Variants in PHYHIPL observed in about 807,000 individuals in gnomAD.
PHYHIPL encodes the protein phytanoyl-CoA 2-hydroxylase interacting protein like, also known as phytanoyl-CoA hydroxylase-interacting protein-like.
PHYHIPL carries 9 observed loss-of-function variants against 33.4 expected under a neutral mutation model. The ratio of observed to expected loss-of-function variants is 0.27; its 90% CI spans 0.16 to 0.47. The LOEUF (loss-of-function observed/expected upper bound fraction) is 0.47. Among genes scored for constraint, PHYHIPL ranks in the 20% least tolerant of loss-of-function variants. PHYHIPL has a pLI of 0.99. For synonymous variants in PHYHIPL, 153 were observed against 154.1 expected (o/e 0.99, Z 0.05); for missense variants, 365 against 460.7 (o/e 0.79, Z 1.90).
chr10:59,180,100 AAG>A (rs1193139661), intron 1 of PHYHIPL, among the ~76,000 whole-genome samples: 2 of 151,666 alleles, frequency 1.3e-5, no homozygotes, highest in African/African-American at 4.8e-5. Context: ...AATAAAATGA[AAG>A]AGAAAATTTC....
chr10:59,187,148 A>C (rs1838631243), intron 1 of PHYHIPL, among the ~76,000 whole-genome samples: 1 of 152,124 alleles, frequency 6.6e-6, no homozygotes, highest in Admixed American at 6.6e-5. Context: ...TTCAATACCT[A>C]ATTTATTGAG....
intron 1 of PHYHIPL, among the ~76,000 whole-genome samples, chr10:59,184,387 C>T (rs1838505393): frequency 6.6e-6 from 1 of 152,156 alleles, no homozygotes; most frequent in Admixed American, 6.5e-5. Context: ...AAGATTGAGA[C>T]ATGAGTTAAT....
intron 1 of PHYHIPL, among the ~76,000 whole-genome samples, chr10:59,194,080 GTTTTTTTTT>G (rs778292956): frequency 9.0e-6 from 1 of 111,486 alleles, no homozygotes; most frequent in Non-Finnish European, 1.8e-5. Flanking sequence ...TTACCTATAT[GTTTTTTTTT>G]TTTTTTTTTT....
At chr10:59,185,144 C>T (rs1244006186) in intron 1 of PHYHIPL, among the ~76,000 whole-genome samples, 2 of 151,574 alleles carry the variant, frequency 1.3e-5, no homozygotes, top group Non-Finnish European at 2.9e-5. Flanking sequence ...GCGCCCGCCA[C>T]TACGCCCGGC....
intron 1 of PHYHIPL, among the ~76,000 whole-genome samples, chr10:59,179,651 CTT>C (rs772736421): frequency 8.5e-5 from 13 of 152,052 alleles, no homozygotes; most frequent in Non-Finnish European, 1.5e-4. Flanking sequence ...GTATATCTCT[CTT>C]ATGTTTCATT....
chr10:59,232,052 C>T (rs1452289072), intron 1 of PHYHIPL, among the ~76,000 whole-genome samples: 1 of 151,836 alleles, frequency 6.6e-6, no homozygotes, highest in African/African-American at 2.4e-5. Flanking sequence ...CTAAGATATG[C>T]CTAAAGTACT....
intron 1 of PHYHIPL, among the ~76,000 whole-genome samples, chr10:59,184,569 G>A (rs10047354): frequency 0.25 from 37,375 of 151,954 alleles, 6,556 homozygotes; most frequent in African/African-American, 0.49. Context: ...GAGTCAGTCA[G>A]AGATGGGTGG....
intron 1 of PHYHIPL, 96 bp from the exon 2 acceptor site, chr10:59,234,208 A>G: frequency 1.0e-6 from 1 of 993,236 alleles, no homozygotes. Flanking sequence ...GGAGTAAGTC[A>G]TCTCTACTTT....
chr10:59,224,480 C>CAAAAA (rs1169938645), intron 1 of PHYHIPL, among the ~76,000 whole-genome samples: 2 of 150,358 alleles, frequency 1.3e-5, no homozygotes, highest in Non-Finnish European at 3.0e-5. Flanking sequence ...CAAAACAAAA[C>CAAAAA]AAAACAAAAC....
intron 1 of PHYHIPL, among the ~76,000 whole-genome samples, chr10:59,207,881 ACT>A (rs1454051522): frequency 7.0e-6 from 1 of 142,198 alleles, no homozygotes; most frequent in Non-Finnish European, 1.5e-5. Context: ...AGAGAGCAAG[ACT>A]CTGTCTCAAA....
chr10:59,243,098 A>G (rs1199513492), intron 4 of PHYHIPL, among the ~76,000 whole-genome samples: 6 of 151,560 alleles, frequency 4.0e-5, no homozygotes, highest in Non-Finnish European at 8.8e-5. Context: ...ATGCCAAGAT[A>G]TATTACAAAC....
intron 1 of PHYHIPL, among the ~76,000 whole-genome samples, chr10:59,211,218 A>T (rs1380899057): frequency 6.6e-6 from 1 of 151,894 alleles, no homozygotes; most frequent in East Asian, 1.9e-4. Context: ...TAAAAAAAAA[A>T]TTATTTTGAA....
intron 1 of PHYHIPL, among the ~76,000 whole-genome samples, chr10:59,226,096 A>G (rs1201104328): frequency 6.6e-6 from 1 of 152,114 alleles, no homozygotes; most frequent in Non-Finnish European, 1.5e-5. Flanking sequence ...ACAAAGATGA[A>G]AGATTAGTTA....
At position 59,247,723 on chromosome 10, in the gene PHYHIPL, T is replaced by C. The variant is rs1840843266; in HGVS notation, c.*2132T>C. On this transcript the variant is annotated 3_prime_UTR_variant, in exon 5 of 5. Transcript: ENST00000373880. ...CTCATCTGCCATTGGTATCCTATCTTCCTTTTGTGGACTTCTGCAAAACAA... is the reference window on the plus strand; with the variant it reads ...CTCATCTGCCATTGGTATCCTATCTCCCTTTTGTGGACTTCTGCAAAACAA... The C allele has an allele frequency of 3.1e-6, 5 of 1,611,738 alleles. No homozygotes were observed. Among genetic ancestry groups the C allele is most frequent in the Non-Finnish European group, 4.2e-6 (5 of 1,178,990 alleles).
In PHYHIPL at chr10:59,238,699, A is replaced by T; in HGVS notation, c.590A>T (p.Tyr197Phe). The T allele has an allele frequency of 6.4e-7, 1 of 1,561,048 alleles. No homozygotes were observed. Among genetic ancestry groups the T allele is most frequent in the Non-Finnish European group, 8.8e-7 (1 of 1,132,926 alleles). ...YRNQHKEYFD[Y>F]VREHHGNAMQ... ...AATCAGCACAAAGAATATTTTGACT[A>T]TGTTCGGTAAGATTCAAAAATATAT... The change falls in exon 4 of 5, where the codon TAT (tyrosine) becomes TTT (phenylalanine). Residue 197 changes from tyrosine (Y) to phenylalanine (F), a missense_variant. Around this residue, in one of 4 missense-constraint regions of PHYHIPL, gnomAD observed 196 missense variants for 224.9 expected, o/e 0.87. Coordinates refer to ENST00000373880, the MANE Select transcript of PHYHIPL (RefSeq NM_032439.4).
rs768353582 is a variant in PHYHIPL, at chr10:59,176,864, C to G, written c.11C>G (p.Pro4Arg). MEV[P>R]RLDHALNSPT... ...GAGTGGGTTGGAAAAATGGAGGTGC[C>G]GCGCCTGGATCATGCCCTCAACAGC... The change falls in exon 1 of 5, where the codon CCG becomes CGG. Residue 4 changes from proline (P) to arginine (R), a missense_variant. Around this residue, in one of 4 missense-constraint regions of PHYHIPL, gnomAD observed 89 missense variants for 78.3 expected, o/e 1.14. Coordinates refer to ENST00000373880, the MANE Select transcript of PHYHIPL (RefSeq NM_032439.4). 1.2e-6 allele frequency: 2 copies of G among 1,612,320 alleles called. No individual in the cohort carries two copies. Among genetic ancestry groups the G allele is most frequent in the African/African-American group, 2.7e-5 (2 of 74,826 alleles).
chr10:59,177,051 G>A, intron 1 of PHYHIPL, 92 bp downstream of exon 1: 1 of 1,133,576 alleles, frequency 8.8e-7, no homozygotes, highest in Non-Finnish European at 1.3e-6. Context: ...CGCCAGGGCG[G>A]CAGGGTCTTT....
At chr10:59,239,088 GT>G (rs1259982833) in intron 4 of PHYHIPL, among the ~76,000 whole-genome samples, 3 of 149,922 alleles carry the variant, frequency 2.0e-5, no homozygotes, top group African/African-American at 7.3e-5. Flanking sequence ...AAGAGTGACT[GT>G]TTAATGAAAT....
chr10:59,193,061 C>T (rs1482481398), intron 1 of PHYHIPL, among the ~76,000 whole-genome samples: 1 of 152,062 alleles, frequency 6.6e-6, no homozygotes, highest in Non-Finnish European at 1.5e-5. Context: ...AGTGTTCTTC[C>T]TTCATCTTCC....
Sources: allele counts gnomAD v4.1 joint callset (sites outside exome capture counted in the v4.1 genomes callset), GRCh38; gene constraint gnomAD v4.1.1; regional missense constraint gnomAD v4.1.1; transcripts MANE v1.5; gene names NCBI Gene and HGNC (gene_info 2026-07-23, HGNC 2026-07-21).